Variants in CIB1 observed in about 807,000 individuals in gnomAD.
CIB1 encodes the protein calcium and integrin binding 1, also known as calcium and integrin-binding protein 1.
Under a neutral mutation model 25.0 loss-of-function variants are expected in CIB1, and 19 were observed. The ratio of observed to expected loss-of-function variants is 0.76; its 90% CI spans 0.53 to 1.12. The LOEUF (loss-of-function observed/expected upper bound fraction) is 1.12. Ranked by LOEUF, CIB1 falls within the 50% of genes most tolerant of loss-of-function variation. CIB1 has a pLI of 0.00. For missense variants in CIB1, 236 were observed against 242.6 expected (o/e 0.97, Z 0.18); for synonymous variants, 104 against 98.5 (o/e 1.06, Z -0.33).
chr15:90,237,545 A>G (rs56156140), upstream of CIB1, among the ~76,000 whole-genome samples: 4,143 of 151,670 alleles, frequency 0.027, 182 homozygotes, highest in African/African-American at 0.09. Flanking sequence ...CAGCCTCCCA[A>G]TGTGCTGGTC....
chr15:90,241,745 TCTGA>T, the CIB1 span: 1 of 1,614,254 alleles, frequency 6.2e-7, no homozygotes, highest in East Asian at 2.2e-5. Context: ...CCACTGATTA[TCTGA>T]CTGACCATGA....
At chr15:90,234,115 G>T, upstream of CIB1, 1 of 354,212 alleles carries the variant, frequency 2.8e-6, no homozygotes, top group Non-Finnish European at 5.0e-6. Flanking sequence ...CCGGGGAGGG[G>T]CCCGACGCTC....
the CIB1 span, chr15:90,245,615 T>C: frequency 6.6e-6 from 1 of 152,210 alleles, no homozygotes; most frequent in Non-Finnish European, 1.5e-5. Flanking sequence ...CACACTTAAT[T>C]TTGCTTGCTT....
the CIB1 span, chr15:90,257,299 C>T: frequency 6.2e-7 from 1 of 1,600,142 alleles, no homozygotes; most frequent in Non-Finnish European, 8.5e-7. Context: ...GACTGGGAAG[C>T]ACTCTTCTTT....
At chr15:90,251,663 G>A in the CIB1 span, 8 of 1,560,840 alleles carry the variant, frequency 5.1e-6, no homozygotes, top group Non-Finnish European at 6.2e-6. Context: ...TTCTTCCTCT[G>A]GAATGGACCC....
At chr15:90,256,212 G>C in the CIB1 span, 1 of 1,614,226 alleles carries the variant, frequency 6.2e-7, no homozygotes, top group Non-Finnish European at 8.5e-7. Flanking sequence ...GACAGTGGCT[G>C]TCAGGGACGT....
the CIB1 span, chr15:90,258,519 G>T: frequency 2.6e-5 from 16 of 614,194 alleles, no homozygotes; most frequent in Non-Finnish European, 4.6e-5. Flanking sequence ...TAAGTCTTTA[G>T]GGACACACTA....
upstream of CIB1, among the ~76,000 whole-genome samples, chr15:90,238,942 C>A (rs1262994288): frequency 6.6e-6 from 1 of 152,042 alleles, no homozygotes; most frequent in Non-Finnish European, 1.5e-5. Flanking sequence ...CAAAACAAAA[C>A]AAAATAAAAC....
chr15:90,265,428 C>A, the CIB1 span: 2 of 1,292,120 alleles, frequency 1.5e-6, no homozygotes, highest in Non-Finnish European at 2.0e-6. Context: ...GGCGGAGGGA[C>A]GGCTCTTGGA....
chr15:90,252,983 C>T, the CIB1 span, among the ~76,000 whole-genome samples: 1 of 151,990 alleles, frequency 6.6e-6, no homozygotes, highest in Non-Finnish European at 1.5e-5. Flanking sequence ...AGCACAAGGG[C>T]GAAACTCCGT....
At chr15:90,242,102 C>A in the CIB1 span, 1 of 1,522,054 alleles carries the variant, frequency 6.6e-7, no homozygotes, top group Non-Finnish European at 8.9e-7. Context: ...TTTTTCTTTT[C>A]TTTTGAGATA....
the CIB1 span, among the ~76,000 whole-genome samples, chr15:90,254,491 T>TAAAAAA: frequency 2.8e-4 from 24 of 84,212 alleles, 2 homozygotes; most frequent in East Asian, 1.0e-3. Context: ...AGACTCCATC[T>TAAAAAA]AAAAAAAAAA....
At chr15:90,240,846 A>T in the CIB1 span, 1 of 1,076,762 alleles carries the variant, frequency 9.3e-7, no homozygotes, top group African/African-American at 1.6e-5. Context: ...ATACAATGAC[A>T]ATCTCTGGAG....
At chr15:90,253,191 G>A in the CIB1 span, 7 of 1,460,950 alleles carry the variant, frequency 4.8e-6, no homozygotes, top group Non-Finnish European at 6.7e-6. Flanking sequence ...CAGCTACACA[G>A]TTCCAGGGCT....
At chr15:90,232,882 A>T (rs1962534003) in intron 2 of CIB1, among the ~76,000 whole-genome samples, 1 of 151,280 alleles carries the variant, frequency 6.6e-6, no homozygotes, top group African/African-American at 2.4e-5. Context: ...GTGAGCCAAG[A>T]TCGTGCCCCA....
At chr15:90,257,706 G>A in the CIB1 span, 11 of 1,614,082 alleles carry the variant, frequency 6.8e-6, no homozygotes, top group East Asian at 6.7e-5. Context: ...CCGGGATGGC[G>A]CTGTGGGCAG....
the CIB1 span, chr15:90,242,164 T>C: frequency 3.0e-6 from 3 of 1,010,284 alleles, no homozygotes; most frequent in Non-Finnish European, 2.8e-6. Flanking sequence ...CCTGGCTCAC[T>C]GTAGCCTCCA....
At chr15:90,258,164 C>T in the CIB1 span, 8 of 1,614,252 alleles carry the variant, frequency 5.0e-6, no homozygotes, top group Middle Eastern at 8.2e-4. Context: ...GCCACAACTA[C>T]CGAACCTGTT....
At chr15:90,246,169 AG>A in the CIB1 span, among the ~76,000 whole-genome samples, 2,245 of 152,280 alleles carry the variant, frequency 0.015, 22 homozygotes, top group South Asian at 0.022. Flanking sequence ...GCTACTCAGG[AG>A]GCTGAGGCGG....
Sources: allele counts gnomAD v4.1 joint callset (sites outside exome capture counted in the v4.1 genomes callset), GRCh38; gene constraint gnomAD v4.1.1; transcripts MANE v1.5; gene names NCBI Gene and HGNC (gene_info 2026-07-23, HGNC 2026-07-21).